Variants in ZNF714 observed in about 807,000 individuals in gnomAD.
ZNF714 encodes zinc finger protein 714.
Under a neutral mutation model 46.2 loss-of-function variants are expected in ZNF714, and 32 were observed. The ratio of observed to expected loss-of-function variants is 0.69; its 90% CI spans 0.52 to 0.93. The LOEUF is 0.93. ZNF714 is among the 40% of genes least tolerant of loss of function. The pLI is 0.00. For synonymous variants in ZNF714, 199 were observed against 213.1 expected (o/e 0.93, Z 0.58); for missense variants, 635 against 646.3 (o/e 0.98, Z 0.19).
In ZNF714 at chr19:21,119,003, T is replaced by C. The variant is rs147366447; in HGVS notation, c.*671T>C. The C allele has an allele frequency of 4.6e-3, 1,617 of 351,642 alleles. 11 individuals are homozygous for C. The highest frequency in any genetic ancestry group is 6.4e-3 in the South Asian group (308 of 47,990). 21.8% of individuals were successfully genotyped at this position (351,642 alleles called of 1,614,324 possible). ...TTGTACTTGAGATAAATTATACAAA[T>C]ATAAAGACTGAAAAAGCCATTAATA... On this transcript the variant is annotated 3_prime_UTR_variant, in exon 5 of 5. Transcript: ENST00000456283.
rs1969702090 is a variant in ZNF714 at position 21,121,411 on chromosome 19, A to G, written c.*3079A>G. On this transcript the variant is annotated 3_prime_UTR_variant, in exon 5 of 5. Coordinates refer to ENST00000456283, the MANE Select transcript of ZNF714 (RefSeq NM_182515.4). Reference sequence around the variant, plus strand: ...TGTTATTTACTATAGAGTTATTTTTATGGTCATAATACAAATTATATATGA... The same window carrying G: ...TGTTATTTACTATAGAGTTATTTTTGTGGTCATAATACAAATTATATATGA... 6.6e-6 allele frequency: 1 copy of G among 152,168 alleles called. No individual in the cohort carries two copies. Among genetic ancestry groups the G allele is most frequent in the African/African-American group, 2.4e-5 (1 of 41,450 alleles). 9.4% of individuals were successfully genotyped at this position (152,168 alleles called of 1,614,324 possible). A position where few individuals can be genotyped will look rare whatever the true frequency, so the allele number is the denominator to read the frequency against.
At position 21,123,538 on chromosome 19, in the gene ZNF714, G is replaced by T. The variant is rs1969744067; in HGVS notation, c.*5206G>T. On this transcript the variant is annotated 3_prime_UTR_variant, in exon 5 of 5. Transcript: ENST00000456283. ...CCCGTCTAATTTTTTTGTATTTTTAGTAGAGACGGGATTTCACCATGTTAG... is the reference window on the plus strand; with the variant it reads ...CCCGTCTAATTTTTTTGTATTTTTATTAGAGACGGGATTTCACCATGTTAG... Among the ~76,000 whole-genome samples the T allele has an allele frequency of 6.6e-6, 1 of 151,958 alleles. No individual in the cohort carries two copies. Among genetic ancestry groups the T allele is most frequent in the Admixed American group, 6.6e-5 (1 of 15,250 alleles).
chr19:21,114,398 T>C (rs548250715), intron 4 of ZNF714, among the ~76,000 whole-genome samples: 2 of 143,156 alleles, frequency 1.4e-5, no homozygotes, highest in South Asian at 2.2e-4. Flanking sequence ...ATCGCACCAC[T>C]GCACTCGAAC....
At position 21,101,188 on chromosome 19, in the gene ZNF714, C is replaced by T. The variant is rs535864581; in HGVS notation, c.142+2278C>T. Among the ~76,000 whole-genome samples, 14 of 152,226 alleles carry T rather than the reference C, an allele frequency of 9.2e-5. No individual in the cohort carries two copies. The South Asian group carries it at 2.9e-3, about 32-fold the overall frequency. On this transcript the variant is annotated intron_variant, in intron 4 of 4. Coordinates refer to ENST00000456283, the MANE Select transcript of ZNF714 (RefSeq NM_182515.4). The stretch of plus-strand genomic sequence containing the variant: ...TTAAAATAGAAGCATTGACAATGGG[C>T]ACAATATAGTTTTATATTGATATCT...
At chr19:21,112,485 C>CT (rs1171490648) in intron 4 of ZNF714, among the ~76,000 whole-genome samples, 3 of 149,996 alleles carry the variant, frequency 2.0e-5, no homozygotes, top group African/African-American at 7.3e-5. Context: ...CTCTTTATAG[C>CT]TAGTGTCTAT....
Position 21,118,288 on chromosome 19 carries a change from C to T in ZNF714, c.1624C>T (p.Leu542=). The change falls in exon 5 of 5, where the codon CTA becomes TTA. Residue 542 remains leucine, a synonymous_variant. Transcript: ENST00000456283. ...PGQHGKTPSL[L]KIQKFAGCGG... ...CCAACATGGTAAAACCCCATCTCTA[C>T]TAAAAATACAAAAATTTGCTGGGTG... The T allele has an allele frequency of 8.1e-7, 1 of 1,237,374 alleles. No homozygotes were observed. The highest frequency in any genetic ancestry group is 1.1e-6 in the Non-Finnish European group (1 of 892,338). The allele number at this position is 1,237,374 out of a possible 1,614,324, so 76.6% of individuals were successfully genotyped here.
At position 21,098,658 on chromosome 19, in the gene ZNF714, A is replaced by G. The variant is rs1017796156; in HGVS notation, c.44-154A>G. Among the ~76,000 whole-genome samples the G allele has an allele frequency of 2.6e-5, 4 of 152,198 alleles. No homozygotes were observed. The South Asian group carries it at 8.3e-4, about 31-fold the overall frequency. On this transcript the variant is annotated intron_variant, in intron 3 of 4. Transcript: ENST00000456283. ...GTGAAATTAAGGACCTACAAATTTAAAATATTTTCTAAATAGTTAGAGATG... is the reference window on the plus strand; with the variant it reads ...GTGAAATTAAGGACCTACAAATTTAGAATATTTTCTAAATAGTTAGAGATG...
At position 21,118,666 on chromosome 19, in the gene ZNF714, G is replaced by A. The variant is rs965289878; in HGVS notation, c.*334G>A. On this transcript the variant is annotated 3_prime_UTR_variant, in exon 5 of 5. Transcript: ENST00000456283. Reference sequence around the variant, plus strand: ...AATTCATACTGTACAGAAACCCTACGAGGGTGAAAAACATGGCAAAGCCTT... The same window carrying A: ...AATTCATACTGTACAGAAACCCTACAAGGGTGAAAAACATGGCAAAGCCTT... 11 of 215,334 alleles carry A rather than the reference G, an allele frequency of 5.1e-5. No homozygotes were observed. The highest frequency in any genetic ancestry group is 1.5e-4 in the East Asian group (1 of 6,648). 13.3% of individuals were successfully genotyped at this position (215,334 alleles called of 1,614,324 possible).
At chr19:21,103,200 G>A (rs894217684) in intron 4 of ZNF714, among the ~76,000 whole-genome samples, 3 of 136,822 alleles carry the variant, frequency 2.2e-5, no homozygotes, top group African/African-American at 7.9e-5. Context: ...GGTAATTTTT[G>A]AGAAGATTTG....
At chr19:21,110,890 G>A (rs750341118) in intron 4 of ZNF714, among the ~76,000 whole-genome samples, 23 of 152,234 alleles carry the variant, frequency 1.5e-4, no homozygotes, top group South Asian at 4.1e-4. Flanking sequence ...AAGATCAGAT[G>A]GTTGTAGATA....
chr19:21,110,707 C>T (rs1220522028), intron 4 of ZNF714, among the ~76,000 whole-genome samples: 1 of 151,978 alleles, frequency 6.6e-6, no homozygotes, highest in Admixed American at 6.6e-5. Context: ...TTTTAGGGTT[C>T]TTGTAGTTTT....
chr19:21,112,648 G>A (rs1364292886), intron 4 of ZNF714, among the ~76,000 whole-genome samples: 3 of 149,806 alleles, frequency 2.0e-5, no homozygotes, highest in African/African-American at 4.9e-5. Flanking sequence ...TGGTTTTCTC[G>A]TTCTTTTAGT....
intron 3 of ZNF714, 61 bp downstream of exon 3, chr19:21,098,372 TG>T (rs1969092743): frequency 1.9e-6 from 3 of 1,569,318 alleles, no homozygotes; most frequent in Non-Finnish European, 2.6e-6. Context: ...TCTCTTTTTT[TG>T]TAGAATTTTC....
intron 4 of ZNF714, among the ~76,000 whole-genome samples, chr19:21,108,914 C>T (rs1318102585): frequency 6.6e-6 from 1 of 152,022 alleles, no homozygotes; most frequent in Non-Finnish European, 1.5e-5. Context: ...TTTTGGAAAC[C>T]TCATGTTATA....
rs1969612106 is a variant in ZNF714 at position 21,117,000 on chromosome 19, C to A, written c.336C>A (p.Thr112=). The A allele has an allele frequency of 1.2e-6, 2 of 1,613,508 alleles. No individual in the cohort carries two copies. Among genetic ancestry groups the A allele is most frequent in the South Asian group, 2.2e-5 (2 of 91,048 alleles). The change falls in exon 5 of 5, where the codon ACC becomes ACA. Residue 112 remains threonine (T), a synonymous_variant. Coordinates refer to ENST00000456283, the MANE Select transcript of ZNF714 (RefSeq NM_182515.4). The stretch of plus-strand genomic sequence containing the variant: ...AACTAAACCAGTGTTTGACAACTAC[C>A]CAGAGCAAAATATTTCCATGTGATA... ...YNELNQCLTT[T]QSKIFPCDKY...
intron 4 of ZNF714, among the ~76,000 whole-genome samples, chr19:21,108,073 A>C (rs1333202823): frequency 6.6e-6 from 1 of 152,052 alleles, no homozygotes; most frequent in East Asian, 1.9e-4. Flanking sequence ...ACAGACATGC[A>C]CTACCATGCC....
chr19:21,117,249 T>C lies in ZNF714; in HGVS notation c.585T>C (p.His195=). 1 of 1,614,056 alleles carries C rather than the reference T, an allele frequency of 6.2e-7. No individual in the cohort carries two copies. ...FSTLTRHKRV[H]TGEKPFKCEE... is the part of the protein sequence containing the mutation. ...CCCTTACTAGACACAAGAGAGTTCA[T>C]ACTGGAGAGAAACCCTTCAAATGTG... The change falls in exon 5 of 5, where the codon CAT becomes CAC. Residue 195 remains histidine, a synonymous_variant. Coordinates refer to ENST00000456283, the MANE Select transcript of ZNF714 (RefSeq NM_182515.4).
intron 2 of ZNF714, among the ~76,000 whole-genome samples, chr19:21,093,251 G>T (rs1968960755): frequency 6.6e-6 from 1 of 150,848 alleles, no homozygotes; most frequent in African/African-American, 2.4e-5. Flanking sequence ...TATTTTTTGA[G>T]ATGGAGTTTT....
In ZNF714 at chr19:21,121,504, A is replaced by T. The variant is rs932753349; in HGVS notation, c.*3172A>T. The T allele has an allele frequency of 6.6e-6, 1 of 152,192 alleles. No individual in the cohort carries two copies. The highest frequency in any genetic ancestry group is 2.4e-5 in the African/African-American group (1 of 41,444). 9.4% of individuals were successfully genotyped at this position (152,192 alleles called of 1,614,324 possible). A position where few individuals can be genotyped will look rare whatever the true frequency, so the allele number is the denominator to read the frequency against. ...AATTGTTATATATTTTTCTTTGAACATGTGGCCTGTCTGCCTGCAAACATG... is the reference window on the plus strand; with the variant it reads ...AATTGTTATATATTTTTCTTTGAACTTGTGGCCTGTCTGCCTGCAAACATG... On this transcript the variant is annotated 3_prime_UTR_variant, in exon 5 of 5. Transcript: ENST00000456283.
Sources: gnomAD v4.1 joint callset for allele counts (sites outside exome capture counted in the v4.1 genomes callset) on GRCh38, gnomAD v4.1.1 for gene constraint, MANE v1.5 for transcripts, NCBI Gene and HGNC (gene_info 2026-07-23, HGNC 2026-07-21) for gene names.